LAMA1: variants seen among roughly 807,000 people sequenced by gnomAD.
LAMA1 encodes laminin subunit alpha 1, also known as laminin subunit alpha-1.
LAMA1 carries 219 observed loss-of-function variants against 348.7 expected under a neutral mutation model. The ratio of observed to expected loss-of-function variants is 0.63; its 90% CI spans 0.56 to 0.70. LAMA1 has a LOEUF of 0.70. LAMA1 is among the 30% of genes least tolerant of loss of function. The probability of loss-of-function intolerance (pLI) is 0.00; values close to 1 mark genes in which losing one functional copy is unlikely to be tolerated. For synonymous variants in LAMA1, 1,487 were observed against 1,491.0 expected (o/e 1.00, Z 0.06); for missense variants, 3,744 against 3,888.0 (o/e 0.96, Z 0.99).
chr18:7,117,629 A>C (rs767364322), intron 1 of LAMA1, 31 bp downstream of exon 1: 2 of 1,590,738 alleles, frequency 1.3e-6, no homozygotes, highest in Non-Finnish European at 1.7e-6. Context: ...CCTGCGGGGG[A>C]CAGGGACCCT....
rs761053984 is a variant in LAMA1 at position 6,965,411 on chromosome 18, G to C, written c.7072C>G (p.Leu2358Val). 6.2e-7 allele frequency: 1 copy of C among 1,614,136 alleles called. No homozygotes were observed. Among genetic ancestry groups the C allele is most frequent in the Non-Finnish European group, 8.5e-7 (1 of 1,180,018 alleles). ...ATAACCTTCACTCTGCCACGAAACA[G>C]CTCGATGGATAAAAAGTCTTTCTGT... ...YGTKDFLSIE[L>V]FRGRVKVMTD... The change falls in exon 50 of 63, where the codon CTG (leucine) becomes GTG (valine). Residue 2358 changes from leucine to valine, a missense_variant. Physicochemically the swap from Leu to Val is conservative, Grantham distance 32 (BLOSUM62 1). Transcript: ENST00000389658.
chr18:7,101,590 A>G (rs2058291358), intron 1 of LAMA1, among the ~76,000 whole-genome samples: 2 of 152,244 alleles, frequency 1.3e-5, no homozygotes, highest in South Asian at 4.1e-4. Context: ...GTCAGATTGT[A>G]GGGACTAACC....
chr18:7,029,977 G>A (rs12962094), intron 16 of LAMA1, among the ~76,000 whole-genome samples: 18,800 of 145,722 alleles, frequency 0.13, 1,508 homozygotes, highest in Middle Eastern at 0.17. Context: ...CAATATATTA[G>A]AAAAAAAAAA....
chr18:7,067,466 A>C lies in LAMA1; in HGVS notation c.345+12509T>G, dbSNP rs932019198. ...TCATCTCACAGGCAAAACTCTTCCAAAGTGAAAAAAAAAAAAAATTCAGGA... is the reference window on the plus strand; with the variant it reads ...TCATCTCACAGGCAAAACTCTTCCACAGTGAAAAAAAAAAAAAATTCAGGA... On this transcript the variant is annotated intron_variant, in intron 3 of 62. Coordinates refer to ENST00000389658, the MANE Select transcript of LAMA1 (RefSeq NM_005559.4). 2.5e-5 allele frequency among the ~76,000 whole-genome samples: 3 copies of C among 122,044 alleles called. No individual in the cohort carries two copies. The East Asian group carries it at 7.2e-4, about 29-fold the overall frequency. 80.1% of individuals were successfully genotyped at this position (122,044 alleles called of 152,430 possible).
intron 3 of LAMA1, among the ~76,000 whole-genome samples, chr18:7,075,570 C>T (rs1312163270): frequency 2.0e-5 from 3 of 152,104 alleles, no homozygotes; most frequent in Middle Eastern, 3.4e-3. Context: ...TTGCAGTGAG[C>T]CGAGATCGCG....
chr18:6,999,775 T>C, intron 31 of LAMA1, 136 bp downstream of exon 31: 2 of 1,146,894 alleles, frequency 1.7e-6, no homozygotes, highest in Admixed American at 3.8e-5. Flanking sequence ...GGAACAGTAA[T>C]GAGGTCTTAT....
intron 6 of LAMA1, among the ~76,000 whole-genome samples, chr18:7,045,691 T>C (rs918728276): frequency 6.6e-6 from 1 of 152,070 alleles, no homozygotes; most frequent in Admixed American, 6.6e-5. Flanking sequence ...CTCGAGTAGC[T>C]GGGACTATAG....
At chr18:7,027,770 C>T (rs2144151471) in intron 16 of LAMA1, among the ~76,000 whole-genome samples, 1 of 152,196 alleles carries the variant, frequency 6.6e-6, no homozygotes, top group South Asian at 2.1e-4. Flanking sequence ...GGGAGAAACC[C>T]CATCTCTACT....
chr18:7,020,441 T>C (rs974307837), intron 19 of LAMA1, among the ~76,000 whole-genome samples: 17 of 152,086 alleles, frequency 1.1e-4, no homozygotes, highest in African/African-American at 3.9e-4. Context: ...TAACAGACTA[T>C]AGTATTATAT....
chr18:7,002,317 A>C lies in LAMA1; in HGVS notation c.4329T>G (p.Thr1443=). Residue 1443 remains threonine, a synonymous_variant, in exon 30 of 63, where the codon ACT becomes ACG. Coordinates refer to ENST00000389658, the MANE Select transcript of LAMA1 (RefSeq NM_005559.4). ...ACAGAGCACAGTCACTTGCTGAGCC[A>C]GTCACCTTCCCGTAGTAGCCAGAAG... ...VCTSGYYGKV[T]GSASDCALCA... 1.2e-6 allele frequency: 2 copies of C among 1,613,720 alleles called. No individual in the cohort carries two copies. The highest frequency in any genetic ancestry group is 2.7e-5 in the African/African-American group (2 of 75,070).
chr18:7,022,410 C>T (rs2057921989), intron 19 of LAMA1, among the ~76,000 whole-genome samples: 1 of 152,198 alleles, frequency 6.6e-6, no homozygotes. Context: ...GCTTGATTGG[C>T]CCAGGGCCAT....
intron 47 of LAMA1, chr18:6,972,300 G>A: frequency 2.7e-6 from 1 of 368,654 alleles, no homozygotes; most frequent in Non-Finnish European, 5.2e-6. Context: ...CTGGACCTGA[G>A]ACCTAGACTC....
intron 3 of LAMA1, among the ~76,000 whole-genome samples, chr18:7,075,411 T>C (rs1168074578): frequency 6.6e-6 from 1 of 151,886 alleles, no homozygotes; most frequent in Non-Finnish European, 1.5e-5. Flanking sequence ...TCACCTGAGG[T>C]TGGGAGTTCG....
At chr18:7,075,803 GGTGTGT>G (rs980354300) in intron 3 of LAMA1, among the ~76,000 whole-genome samples, 18 of 151,870 alleles carry the variant, frequency 1.2e-4, no homozygotes, top group African/African-American at 3.9e-4. Flanking sequence ...TGGGTACAGT[GGTGTGT>G]GCCTGTAGTC....
chr18:7,023,496 T>C, intron 18 of LAMA1, 121 bp from the exon 19 acceptor site: 1 of 844,818 alleles, frequency 1.2e-6, no homozygotes, highest in South Asian at 1.4e-5. Context: ...AGATTTACTG[T>C]GAAAGGGATA....
intron 14 of LAMA1, among the ~76,000 whole-genome samples, chr18:7,033,823 C>T (rs2057982338): frequency 6.6e-6 from 1 of 152,100 alleles, no homozygotes; most frequent in South Asian, 2.1e-4. Flanking sequence ...CAACGTGCAC[C>T]TCCTGGGTTC....
Position 7,011,161 on chromosome 18 carries a change from A to T in LAMA1, c.3687+139T>A, listed in dbSNP as rs553541690. The T allele has an allele frequency of 4.5e-5, 43 of 947,256 alleles. 1 individual carries two copies. In the South Asian group the frequency reaches 6.4e-4, roughly 14 times the overall value. The allele number at this position is 947,256 out of a possible 1,614,324, so 58.7% of individuals were successfully genotyped here. ...TTGAGGAGACTTTTATGAGCATTAA[A>T]CTTCTCTGATCCCACTTAAAAGAGG... is the stretch of plus-strand genomic sequence containing the variant. On this transcript the variant is annotated intron_variant, in intron 25 of 62. Transcript: ENST00000389658.
intron 6 of LAMA1, 115 bp downstream of exon 6, chr18:7,046,163 T>C (rs1363166087): frequency 1.5e-6 from 1 of 664,620 alleles, no homozygotes; most frequent in Non-Finnish European, 2.6e-6. Flanking sequence ...TCTGTTTTTT[T>C]GGAGCATAAT....
At position 7,037,435 on chromosome 18, in the gene LAMA1, T is replaced by C. The variant is rs1391746127; in HGVS notation, c.1737+143A>G. 4.6e-6 allele frequency: 4 copies of C among 874,436 alleles called. No homozygotes were observed. The African/African-American group carries it at 5.0e-5, about 11-fold the overall frequency. 54.2% of individuals were successfully genotyped at this position (874,436 alleles called of 1,614,324 possible). On this transcript the variant is annotated intron_variant, in intron 12 of 62. Transcript: ENST00000389658. ...AGGCTAGAAAACCTTCTTTGTATCA[T>C]CAGATGCAAGTACAGGCTATGAAAT...
Sources: allele counts gnomAD v4.1 joint callset (sites outside exome capture counted in the v4.1 genomes callset), GRCh38; gene constraint gnomAD v4.1.1; transcripts MANE v1.5; gene names NCBI Gene and HGNC (gene_info 2026-07-23, HGNC 2026-07-21).